The following FAM186A variants were observed in gnomAD, a reference collection of about 807,000 sequenced individuals.
The protein encoded by FAM186A is protein FAM186A.
A neutral mutation model predicts 216.8 loss-of-function variants in FAM186A; 163 were observed. That is an observed-to-expected ratio of 0.75 (90% CI 0.66 to 0.86). The LOEUF (loss-of-function observed/expected upper bound fraction) is 0.86, where lower values mean the gene tolerates loss of function less well. Ranked by LOEUF, FAM186A falls within the 40% of genes least tolerant of loss-of-function variation. The probability of loss-of-function intolerance (pLI) is 0.00; values close to 1 mark genes in which losing one functional copy is unlikely to be tolerated. For synonymous variants in FAM186A, 805 were observed against 1,025.3 expected, an observed-to-expected ratio of 0.79 and a Z score of 4.10; for missense variants, 2,184 against 2,746.2, an observed-to-expected ratio of 0.80 and a Z score of 4.58.
chr12:50,380,709 A>G (rs1405028849), intron 1 of FAM186A, among the ~76,000 whole-genome samples: 11 of 150,856 alleles, frequency 7.3e-5, no homozygotes, highest in Non-Finnish European at 1.3e-4. Flanking sequence ...AAAAAAAAGA[A>G]CTGGTGTGAT....
At chr12:50,338,171 A>C (rs914538551) in intron 4 of FAM186A, among the ~76,000 whole-genome samples, 1 of 152,132 alleles carries the variant, frequency 6.6e-6, no homozygotes, top group East Asian at 1.9e-4. Flanking sequence ...TGCAAGCTAC[A>C]TATGTTATTT....
In FAM186A at chr12:50,351,442, G is replaced by T. The variant is rs1942879573; in HGVS notation, c.5390C>A (p.Ser1797Tyr). The stretch of plus-strand genomic sequence containing the variant: ...TCCGTATACCAGGGTCTGTCCAGAG[G>T]AACGAAGAGTCTGTGGTGCCCCAAG... ...GKLGAPQTLR[S>Y]SGQTLVYGGQ... The change falls in exon 4 of 8, where the codon TCC (serine) becomes TAC (tyrosine). Residue 1797 changes from serine (S) to tyrosine (Y), a missense_variant. Coordinates refer to ENST00000327337, the MANE Select transcript of FAM186A (RefSeq NM_001145475.3). The T allele has an allele frequency of 6.8e-7, 1 of 1,470,722 alleles. No individual in the cohort carries two copies. Among genetic ancestry groups the T allele is most frequent in the South Asian group, 1.5e-5 (1 of 68,700 alleles). 91.1% of individuals were successfully genotyped at this position (1,470,722 alleles called of 1,614,324 possible). A position where few individuals can be genotyped will look rare whatever the true frequency, so the allele number is the denominator to read the frequency against.
intron 1 of FAM186A, 107 bp downstream of exon 1, chr12:50,396,186 A>G (rs184035664): frequency 9.4e-7 from 1 of 1,068,924 alleles, no homozygotes; most frequent in East Asian, 2.7e-5. Flanking sequence ...TACCCTAAAT[A>G]CAGTCAAATA....
chr12:50,353,367 C>T lies in FAM186A; in HGVS notation c.3465G>A (p.Pro1155=), dbSNP rs1456952140. The part of the protein sequence containing the change: ...ITLTPQQDQA[P]GISLTTQQAQ... The stretch of plus-strand genomic sequence containing the variant: ...CCTGCTGAGTGGTGAGAGAGATCCC[C>T]GGGGCCTGGTCCTGCTGAGGGGTGA... The change falls in exon 4 of 8, where the codon CCG becomes CCA. Residue 1155 remains proline, a synonymous_variant. Coordinates refer to ENST00000327337, the MANE Select transcript of FAM186A (RefSeq NM_001145475.3). The T allele has an allele frequency of 5.0e-5, 76 of 1,533,022 alleles. No homozygotes were observed. Among genetic ancestry groups the T allele is most frequent in the East Asian group, 1.0e-4 (4 of 39,442 alleles). 95.0% of individuals were successfully genotyped at this position (1,533,022 alleles called of 1,614,324 possible).
intron 3 of FAM186A, 131 bp from the exon 4 acceptor site, chr12:50,356,379 A>ATT: frequency 1.5e-6 from 1 of 683,488 alleles, no homozygotes; most frequent in Non-Finnish European, 2.2e-6. Context: ...GATTAATCTG[A>ATT]AAACTTTAGC....
chr12:50,353,974 G>T lies in FAM186A; in HGVS notation c.2858C>A (p.Ala953Glu). The change falls in exon 4 of 8, where the codon GCG becomes GAG. Residue 953 changes from alanine to glutamate, a missense_variant. Transcript: ENST00000327337. ...TCTCCTGTGTGGCCCCAAATGTTTC[G>T]CTTCCTTCTGAATCTGCCTCATCTG... The part of the protein sequence containing the change: ...NGQMRQIQKE[A>E]KHLGPHRRRE... 7 of 1,552,196 alleles carry T rather than the reference G, an allele frequency of 4.5e-6. No homozygotes were observed. The highest frequency in any genetic ancestry group is 6.1e-6 in the Non-Finnish European group (7 of 1,147,508).
chr12:50,381,146 T>A (rs1309696087), intron 1 of FAM186A, among the ~76,000 whole-genome samples: 1 of 152,206 alleles, frequency 6.6e-6, no homozygotes, highest in Non-Finnish European at 1.5e-5. Context: ...AGTTTCTAGG[T>A]CTGGGCTCCC....
At chr12:50,359,913 T>TG in intron 3 of FAM186A, among the ~76,000 whole-genome samples, 1 of 152,248 alleles carries the variant, frequency 6.6e-6, no homozygotes, top group East Asian at 1.9e-4. Flanking sequence ...TAAATTAGTA[T>TG]GAGGGATCTT....
chr12:50,379,560 G>A (rs1191110668), intron 1 of FAM186A, among the ~76,000 whole-genome samples: 1 of 151,826 alleles, frequency 6.6e-6, no homozygotes. Flanking sequence ...ACCGAGGCAC[G>A]TGGATCACCT....
intron 3 of FAM186A, among the ~76,000 whole-genome samples, chr12:50,360,546 G>A (rs907599629): frequency 1.2e-4 from 18 of 151,992 alleles, no homozygotes; most frequent in Admixed American, 7.9e-4. Context: ...TTAGCCAGGC[G>A]TGGTGGTACA....
In FAM186A at chr12:50,383,279, AG is replaced by A. The variant is rs1287570899; in HGVS notation, c.192+13013del. ...AAAAAAAAAAAAAAAAAAAAAAAAAAGAGAGAGAGAGAGAGAAAGAAAAGAA... is the reference window on the plus strand; with the variant it reads ...AAAAAAAAAAAAAAAAAAAAAAAAAAAGAGAGAGAGAGAGAAAGAAAAGAA... On this transcript the variant is annotated intron_variant, in intron 1 of 7. Transcript: ENST00000327337. 5.9e-3 allele frequency among the ~76,000 whole-genome samples: 207 copies of A among 35,312 alleles called. 3 individuals are homozygous for A. The highest frequency in any genetic ancestry group is 0.026 in the Middle Eastern group (1 of 38). The allele number at this position is 35,312 out of a possible 152,430, so 23.2% of individuals were successfully genotyped here.
At chr12:50,347,904 GT>G (rs1183078939) in intron 4 of FAM186A, among the ~76,000 whole-genome samples, 2 of 151,804 alleles carry the variant, frequency 1.3e-5, no homozygotes, top group African/African-American at 4.8e-5. Flanking sequence ...CTTTTGTTTT[GT>G]TTTTTTGTTG....
chr12:50,353,109 G>T lies in FAM186A; in HGVS notation c.3723C>A (p.Ile1241=). 6.5e-7 allele frequency: 1 copy of T among 1,527,118 alleles called. No individual in the cohort carries two copies. Among genetic ancestry groups the T allele is most frequent in the East Asian group, 2.5e-5 (1 of 39,264 alleles). The allele number at this position is 1,527,118 out of a possible 1,614,324, so 94.6% of individuals were successfully genotyped here. The part of the protein sequence containing the change: ...LTLQQAQQLG[I]PLTPQQAQAL... Reference sequence around the variant, plus strand: ...CCTGCGCCTGCTGAGGGGTGAGAGGGATCCCCAATTGCTGGGCCTGCTGAA... The same window carrying T: ...CCTGCGCCTGCTGAGGGGTGAGAGGTATCCCCAATTGCTGGGCCTGCTGAA... Residue 1241 remains isoleucine (I), a synonymous_variant, in exon 4 of 8, where the codon ATC becomes ATA. Coordinates refer to ENST00000327337, the MANE Select transcript of FAM186A (RefSeq NM_001145475.3).
Position 50,351,418 on chromosome 12 carries a change from C to T in FAM186A, c.5414G>A (p.Gly1805Glu), listed in dbSNP as rs1942879158. 1 of 1,466,510 alleles carries T rather than the reference C, an allele frequency of 6.8e-7. No homozygotes were observed. The highest frequency in any genetic ancestry group is 9.0e-7 in the Non-Finnish European group (1 of 1,109,918). The allele number at this position is 1,466,510 out of a possible 1,614,324, so 90.8% of individuals were successfully genotyped here. A position where few individuals can be genotyped will look rare whatever the true frequency, so the allele number is the denominator to read the frequency against. ...GAACTGCGCAGAAGTGGATTGACCT[C>T]CGTATACCAGGGTCTGTCCAGAGGA... The part of the protein sequence containing the change: ...LRSSGQTLVY[G>E]GQSTSAQFPA... Residue 1805 changes from glycine (G) to glutamate (E), a missense_variant, in exon 4 of 8, where the codon GGA becomes GAA. Transcript: ENST00000327337.
chr12:50,362,103 G>T (rs1048028977), intron 2 of FAM186A, among the ~76,000 whole-genome samples: 5 of 151,996 alleles, frequency 3.3e-5, no homozygotes, highest in African/African-American at 1.2e-4. Flanking sequence ...CTCCCGAGTA[G>T]CTGGGAATAG....
intron 1 of FAM186A, among the ~76,000 whole-genome samples, chr12:50,388,127 T>TC (rs1255325326): frequency 6.6e-6 from 1 of 152,100 alleles, no homozygotes; most frequent in Non-Finnish European, 1.5e-5. Context: ...TCAGCGGCTT[T>TC]CCCCACCCCT....
intron 2 of FAM186A, among the ~76,000 whole-genome samples, chr12:50,362,295 A>G (rs1172931911): frequency 6.6e-6 from 1 of 151,974 alleles, no homozygotes; most frequent in African/African-American, 2.4e-5. Context: ...CTTTCATTCA[A>G]CCAGTGTCTA....
rs1043422160 is a variant in FAM186A at position 50,346,644 on chromosome 12, G to A, written c.6503+3685C>T. Among the ~76,000 whole-genome samples the A allele has an allele frequency of 7.2e-5, 11 of 152,006 alleles. 1 individual carries two copies. Among genetic ancestry groups the A allele is most frequent in the Non-Finnish European group, 1.3e-4 (9 of 67,996 alleles). ...GGGTGGATCACGAGGTCAGGAGATC[G>A]AGACCATCCTGGCTAACACGGTGAA... On this transcript the variant is annotated intron_variant, in intron 4 of 7. Transcript: ENST00000327337.
At chr12:50,384,073 A>C (rs1051567187) in intron 1 of FAM186A, among the ~76,000 whole-genome samples, 8 of 152,040 alleles carry the variant, frequency 5.3e-5, no homozygotes, top group African/African-American at 1.9e-4. Context: ...AGTTGAGATC[A>C]TACCACTGCA....
Sources: gnomAD v4.1 joint callset for allele counts (sites outside exome capture counted in the v4.1 genomes callset) on GRCh38, gnomAD v4.1.1 for gene constraint, MANE v1.5 for transcripts, NCBI Gene and HGNC (gene_info 2026-07-23, HGNC 2026-07-21) for gene names.